Variants in FAT3 observed in about 807,000 individuals in gnomAD.
FAT3 encodes FAT atypical cadherin 3.
Under a neutral mutation model 310.2 loss-of-function variants are expected in FAT3, and 95 were observed. The ratio of observed to expected loss-of-function variants is 0.31; its 90% CI spans 0.26 to 0.36. The LOEUF (loss-of-function observed/expected upper bound fraction) is 0.36. Ranked by LOEUF, FAT3 falls within the 10% of genes least tolerant of loss-of-function variation. The pLI, the probability that FAT3 is intolerant of heterozygous loss-of-function variation, is 1.00. For missense variants in FAT3, 5,408 were observed against 5,715.6 expected (o/e 0.95, Z 1.74); for synonymous variants, 2,314 against 2,192.9 (o/e 1.06, Z -1.54).
intron 4 of FAT3, among the ~76,000 whole-genome samples, chr11:92,751,277 A>C (rs1565564599): frequency 6.6e-6 from 1 of 152,208 alleles, no homozygotes. Flanking sequence ...TCGTGTGGGG[A>C]TAATAATCGC....
At chr11:92,341,984 A>T (rs550739616) in intron 1 of FAT3, among the ~76,000 whole-genome samples, 1 of 151,862 alleles carries the variant, frequency 6.6e-6, no homozygotes, top group East Asian at 1.9e-4. Flanking sequence ...GCAAGTTTTC[A>T]TTGTCTACCT....
intron 2 of FAT3, among the ~76,000 whole-genome samples, chr11:92,394,248 C>T (rs148644015): frequency 1.6e-3 from 238 of 152,222 alleles, no homozygotes; most frequent in African/African-American, 5.2e-3. Flanking sequence ...GCAGGCAGAT[C>T]GCTTGAGCCC....
intron 1 of FAT3, among the ~76,000 whole-genome samples, chr11:92,291,551 T>G (rs1321604474): frequency 6.6e-6 from 1 of 152,118 alleles, no homozygotes. Context: ...TGTCTTTGCC[T>G]TACAGATATA....
At chr11:92,543,704 A>C (rs1954524923) in intron 3 of FAT3, among the ~76,000 whole-genome samples, 2 of 152,342 alleles carry the variant, frequency 1.3e-5, no homozygotes, top group South Asian at 2.1e-4. Flanking sequence ...ACTCATCAGA[A>C]GTAAGCTAAA....
chr11:92,854,154 G>A (rs1948908052), intron 19 of FAT3, among the ~76,000 whole-genome samples: 1 of 152,196 alleles, frequency 6.6e-6, no homozygotes, highest in African/African-American at 2.4e-5. Context: ...TGATGTGTTA[G>A]CACCACCCTG....
intron 4 of FAT3, among the ~76,000 whole-genome samples, chr11:92,724,076 G>T (rs894992569): frequency 1.3e-5 from 2 of 152,222 alleles, no homozygotes; most frequent in Non-Finnish European, 2.9e-5. Flanking sequence ...AGCTCACAGT[G>T]TTGTGGGTGG....
intron 2 of FAT3, among the ~76,000 whole-genome samples, chr11:92,375,229 G>C (rs1282424626): frequency 2.0e-5 from 3 of 152,036 alleles, no homozygotes; most frequent in Non-Finnish European, 4.4e-5. Context: ...CAACTCCTGG[G>C]CTCAAGTGAT....
Position 92,355,237 on chromosome 11 carries a change from A to G in FAT3, c.3125A>G (p.Tyr1042Cys), listed in dbSNP as rs762883566. The change falls in exon 2 of 28, where the codon TAT (tyrosine) becomes TGT (cysteine). Residue 1042 changes from tyrosine to cysteine, a missense_variant. Coordinates refer to ENST00000525166, the MANE Select transcript of FAT3 (RefSeq NM_001367949.2). ...VDVNENLHTP[Y>C]FPDFAVVGSV... is the part of the protein sequence containing the mutation. ...GTCAATGAAAACCTCCACACTCCCT[A>G]TTTCCCAGACTTTGCTGTTGTTGGA... 16 of 1,613,634 alleles carry G rather than the reference A, an allele frequency of 9.9e-6. No homozygotes were observed. Among genetic ancestry groups the G allele is most frequent in the Non-Finnish European group, 1.4e-5 (16 of 1,179,854 alleles).
chr11:92,495,250 G>T (rs1056055736), intron 2 of FAT3, among the ~76,000 whole-genome samples: 10 of 152,092 alleles, frequency 6.6e-5, no homozygotes, highest in African/African-American at 2.2e-4. Flanking sequence ...ATGAGTAGAT[G>T]AAATGGCTGA....
intron 2 of FAT3, among the ~76,000 whole-genome samples, chr11:92,432,587 G>T (rs537946694): frequency 6.6e-5 from 10 of 152,198 alleles, no homozygotes. Flanking sequence ...AGTGTCACCA[G>T]TGGAGGCTGC....
chr11:92,699,596 A>G (rs1423079701), intron 4 of FAT3, among the ~76,000 whole-genome samples: 1 of 152,202 alleles, frequency 6.6e-6, no homozygotes, highest in East Asian at 1.9e-4. Flanking sequence ...TCAAAATTCA[A>G]AATGTTCCAT....
intron 1 of FAT3, among the ~76,000 whole-genome samples, chr11:92,301,740 G>A (rs963698548): frequency 6.6e-6 from 1 of 151,898 alleles, no homozygotes; most frequent in Non-Finnish European, 1.5e-5. Flanking sequence ...GGAATAGAGG[G>A]TCTCAATTAT....
rs548420135 is a variant in FAT3, at chr11:92,305,943, C to A, written c.-17-46153C>A. On this transcript the variant is annotated intron_variant, in intron 1 of 27. Coordinates refer to ENST00000525166, the MANE Select transcript of FAT3 (RefSeq NM_001367949.2). ...TGTTAACTAGTTAAGATTATAGTAT[C>A]AATGTTAATTTCCTATCATTGTTAT... Among the ~76,000 whole-genome samples the A allele has an allele frequency of 9.9e-5, 15 of 152,120 alleles. 1 individual carries two copies. Among genetic ancestry groups the A allele is most frequent in the Middle Eastern group, 6.8e-3 (2 of 294 alleles).
intron 6 of FAT3, among the ~76,000 whole-genome samples, chr11:92,771,780 A>T (rs2136110552): frequency 6.6e-6 from 1 of 152,160 alleles, no homozygotes; most frequent in Admixed American, 6.5e-5. Context: ...AAAAAAACAT[A>T]AAATTAGCCA....
chr11:92,866,036 A>C (rs1465257223), intron 21 of FAT3, among the ~76,000 whole-genome samples: 1 of 152,132 alleles, frequency 6.6e-6, no homozygotes, highest in African/African-American at 2.4e-5. Flanking sequence ...CTTTACCTAA[A>C]CCATGAGCAT....
In FAT3 at chr11:92,797,866, C is replaced by T. The variant is rs774849735; in HGVS notation, c.4853C>T (p.Pro1618Leu). ...ACTGGGAACATGTTTAAGATCGAAC[C>T]GGTCCTAGGCATCATCACCATTTGC... ...GNTGNMFKIE[P>L]VLGIITICKE... The change falls in exon 10 of 28, where the codon CCG (proline) becomes CTG (leucine). Residue 1618 changes from proline to leucine, a missense_variant. Coordinates refer to ENST00000525166, the MANE Select transcript of FAT3 (RefSeq NM_001367949.2). The T allele has an allele frequency of 2.4e-5, 38 of 1,612,852 alleles. No homozygotes were observed. The highest frequency in any genetic ancestry group is 1.3e-4 in the East Asian group (6 of 44,858).
Position 92,322,681 on chromosome 11 carries a change from A to C in FAT3, c.-17-29415A>C, listed in dbSNP as rs1169442795. ...AGTTCACAGCATCTTCACCAGGAAT[A>C]GATTATATCGGAAGAAATCACTTTC... On this transcript the variant is annotated intron_variant, in intron 1 of 27. Coordinates refer to ENST00000525166, the MANE Select transcript of FAT3 (RefSeq NM_001367949.2). Among the ~76,000 whole-genome samples, 3 of 152,240 alleles carry C rather than the reference A, an allele frequency of 2.0e-5. No individual in the cohort carries two copies. The East Asian group carries it at 5.8e-4, about 29-fold the overall frequency.
chr11:92,434,272 A>G (rs1408218859), intron 2 of FAT3, among the ~76,000 whole-genome samples: 1 of 152,134 alleles, frequency 6.6e-6, no homozygotes, highest in African/African-American at 2.4e-5. Context: ...ATGAAGGCAG[A>G]CTGTTGCTAT....
intron 1 of FAT3, among the ~76,000 whole-genome samples, chr11:92,293,390 TAATTC>T (rs1256989389): frequency 5.9e-5 from 9 of 151,336 alleles, no homozygotes; most frequent in African/African-American, 2.2e-4. Context: ...AGTATAAAAG[TAATTC>T]AATTATTTGC....
Sources: allele counts gnomAD v4.1 joint callset (sites outside exome capture counted in the v4.1 genomes callset), GRCh38; gene constraint gnomAD v4.1.1; transcripts MANE v1.5; gene names NCBI Gene and HGNC (gene_info 2026-07-23, HGNC 2026-07-21).